Variants in NOL4 observed in about 807,000 individuals in gnomAD.
NOL4 encodes cancer/testis antigen 125.
In NOL4, 17 loss-of-function variants were observed where a neutral mutation model predicts 75.9. That is an observed-to-expected ratio of 0.22 (90% CI 0.15 to 0.34). The LOEUF is 0.34. Among genes scored for constraint, NOL4 ranks in the 10% least tolerant of loss-of-function variants. NOL4 has a pLI of 1.00. For missense variants in NOL4, 614 were observed against 793.5 expected (o/e 0.77, Z 2.72); for synonymous variants, 292 against 289.9 (o/e 1.01, Z -0.07).
At chr18:34,077,444 C>A (rs969957872) in intron 5 of NOL4, among the ~76,000 whole-genome samples, 10 of 151,976 alleles carry the variant, frequency 6.6e-5, no homozygotes, top group Non-Finnish European at 1.3e-4. Flanking sequence ...CATATATACA[C>A]ACACACAATC....
At position 34,111,954 on chromosome 18, in the gene NOL4, C is replaced by T. The variant is rs370299170; in HGVS notation, c.415-6794G>A. Among the ~76,000 whole-genome samples the T allele has an allele frequency of 1.1e-4, 16 of 152,180 alleles. No homozygotes were observed. In the East Asian group the frequency reaches 1.2e-3, roughly 11 times the overall value. On this transcript the variant is annotated intron_variant, in intron 2 of 10. Coordinates refer to ENST00000261592, the MANE Select transcript of NOL4 (RefSeq NM_003787.5). ...GTTCCCCTAGAAATTGAAAATAGAACTGCCAAGTGATCCAGCAATTCCATT... is the reference window on the plus strand; with the variant it reads ...GTTCCCCTAGAAATTGAAAATAGAATTGCCAAGTGATCCAGCAATTCCATT...
At chr18:34,107,340 A>G (rs145244346) in intron 2 of NOL4, among the ~76,000 whole-genome samples, 1 of 152,314 alleles carries the variant, frequency 6.6e-6, no homozygotes, top group East Asian at 1.9e-4. Context: ...GAAATAATAC[A>G]AAGCCCACTT....
chr18:33,929,884 AT>A (rs956514123), intron 9 of NOL4, among the ~76,000 whole-genome samples: 1 of 152,156 alleles, frequency 6.6e-6, no homozygotes, highest in African/African-American at 2.4e-5. Context: ...TTAGAAGTTT[AT>A]AACTTCTGTC....
At chr18:34,001,597 GA>G (rs2073710035) in intron 6 of NOL4, 1 of 152,140 alleles carries the variant, frequency 6.6e-6, no homozygotes, top group African/African-American at 2.4e-5. Context: ...GGGCAGGGTA[GA>G]GGGGTGGGGC....
chr18:34,007,220 T>C (rs1202369057), intron 6 of NOL4, among the ~76,000 whole-genome samples: 1 of 151,916 alleles, frequency 6.6e-6, no homozygotes, highest in Non-Finnish European at 1.5e-5. Flanking sequence ...ACAAAGAAAT[T>C]TGAGTAATAC....
chr18:33,866,788 T>A (rs2063447797), intron 10 of NOL4, among the ~76,000 whole-genome samples: 1 of 152,192 alleles, frequency 6.6e-6, no homozygotes, highest in African/African-American at 2.4e-5. Flanking sequence ...GAAGAGTTAC[T>A]TTTTAACTTA....
At chr18:34,144,054 C>A (rs1384120812) in intron 1 of NOL4, among the ~76,000 whole-genome samples, 1 of 152,036 alleles carries the variant, frequency 6.6e-6, no homozygotes, top group Non-Finnish European at 1.5e-5. Context: ...TCACAATAAT[C>A]CTCCATTATA....
chr18:33,951,544 A>G (rs2069224763), intron 8 of NOL4, among the ~76,000 whole-genome samples: 1 of 149,178 alleles, frequency 6.7e-6, no homozygotes, highest in Non-Finnish European at 1.5e-5. Flanking sequence ...CTTCATCATT[A>G]TCTTTTTCAA....
chr18:34,069,769 T>C (rs879923750), intron 5 of NOL4, among the ~76,000 whole-genome samples: 1 of 152,210 alleles, frequency 6.6e-6, no homozygotes, highest in Non-Finnish European at 1.5e-5. Flanking sequence ...GTCAGACTTG[T>C]ATGAAGTCAG....
chr18:33,966,798 A>G (rs1208567431), intron 6 of NOL4, among the ~76,000 whole-genome samples: 1 of 152,182 alleles, frequency 6.6e-6, no homozygotes, highest in Non-Finnish European at 1.5e-5. Flanking sequence ...AAAGACCTCT[A>G]CAAAGAGAGT....
intron 6 of NOL4, among the ~76,000 whole-genome samples, chr18:33,992,916 G>A (rs946913401): frequency 1.3e-5 from 2 of 151,990 alleles, no homozygotes; most frequent in African/African-American, 4.8e-5. Context: ...TCTTACTAAA[G>A]GAACTAAATT....
intron 6 of NOL4, among the ~76,000 whole-genome samples, chr18:33,990,221 T>C (rs991679385): frequency 6.6e-6 from 1 of 152,040 alleles, no homozygotes; most frequent in African/African-American, 2.4e-5. Context: ...TCTTAGAAAA[T>C]AGAAGTGAGC....
At chr18:33,896,592 A>G (rs545929679) in intron 9 of NOL4, among the ~76,000 whole-genome samples, 1 of 152,214 alleles carries the variant, frequency 6.6e-6, no homozygotes, top group African/African-American at 2.4e-5. Flanking sequence ...AGAAGATTGA[A>G]GCTGGATCAT....
intron 6 of NOL4, among the ~76,000 whole-genome samples, chr18:33,989,804 C>T (rs992189552): frequency 6.6e-6 from 1 of 152,094 alleles, no homozygotes; most frequent in Non-Finnish European, 1.5e-5. Context: ...TTACAATTTC[C>T]TTACTGTTAC....
At chr18:33,889,008 T>A (rs1003013861) in intron 9 of NOL4, among the ~76,000 whole-genome samples, 24 of 151,640 alleles carry the variant, frequency 1.6e-4, no homozygotes, top group African/African-American at 5.6e-4. Context: ...AGGCAAGAAA[T>A]AACTAAGATC....
chr18:34,001,661 C>A (rs199732025), intron 6 of NOL4: 2 of 151,948 alleles, frequency 1.3e-5, no homozygotes, highest in Non-Finnish European at 2.9e-5. Context: ...AAAACCTGTT[C>A]GATGATGACA....
chr18:34,162,175 G>T (rs932037918), intron 1 of NOL4, among the ~76,000 whole-genome samples: 3 of 152,062 alleles, frequency 2.0e-5, no homozygotes, highest in Admixed American at 1.3e-4. Flanking sequence ...ACAATTAAAA[G>T]AACTAGAAAA....
At chr18:34,091,290 G>A (rs1403542449) in intron 5 of NOL4, among the ~76,000 whole-genome samples, 1 of 152,054 alleles carries the variant, frequency 6.6e-6, no homozygotes, top group Non-Finnish European at 1.5e-5. Context: ...TTGAACCCGG[G>A]AGGCAGAGGT....
intron 5 of NOL4, among the ~76,000 whole-genome samples, chr18:34,073,308 TA>T (rs2077599611): frequency 6.6e-6 from 1 of 151,864 alleles, no homozygotes; most frequent in Non-Finnish European, 1.5e-5. Context: ...GCCAATAAAT[TA>T]GGCAAATTAG....
Sources: allele counts gnomAD v4.1 joint callset (sites outside exome capture counted in the v4.1 genomes callset), GRCh38; gene constraint gnomAD v4.1.1; transcripts MANE v1.5; gene names NCBI Gene and HGNC (gene_info 2026-07-23, HGNC 2026-07-21).